ZFAND4: variants seen among roughly 807,000 people sequenced by gnomAD.
ZFAND4 encodes AN1-type zinc finger protein 4.
Under a neutral mutation model 64.4 loss-of-function variants are expected in ZFAND4, and 43 were observed. The observed-to-expected ratio is 0.67, with a 90% CI of 0.52 to 0.86. The LOEUF (loss-of-function observed/expected upper bound fraction) is 0.86. Among genes scored for constraint, ZFAND4 ranks in the 40% least tolerant of loss-of-function variants. The probability of loss-of-function intolerance (pLI) is 0.00; values close to 1 mark genes in which losing one functional copy is unlikely to be tolerated. For missense variants in ZFAND4, 929 were observed against 859.8 expected (o/e 1.08, Z -1.01); for synonymous variants, 296 against 305.7 (o/e 0.97, Z 0.33).
intron 4 of ZFAND4, chr10:45,649,732 C>G (rs1040700255): frequency 1.4e-4 from 22 of 152,184 alleles, no homozygotes; most frequent in Admixed American, 1.2e-3. Context: ...AAGTTCTTGC[C>G]TTTTGTAAGT....
chr10:45,652,726 G>A (rs2047840079), intron 3 of ZFAND4, among the ~76,000 whole-genome samples: 1 of 152,120 alleles, frequency 6.6e-6, no homozygotes, highest in Admixed American at 6.6e-5. Flanking sequence ...AAGATAATAG[G>A]AGGATTTCAA....
chr10:45,635,225 C>CAAAAAAAAAAAA (rs1486980850), intron 6 of ZFAND4, among the ~76,000 whole-genome samples: 3 of 70,636 alleles, frequency 4.2e-5, no homozygotes, highest in South Asian at 4.9e-4. Flanking sequence ...AAAAAAAAAA[C>CAAAAAAAAAAAA]AAACAAAAAA....
intron 6 of ZFAND4, among the ~76,000 whole-genome samples, chr10:45,632,801 C>T (rs1034213151): frequency 3.9e-5 from 6 of 152,060 alleles, no homozygotes; most frequent in Middle Eastern, 6.8e-3. Flanking sequence ...TAAATATAAA[C>T]GTGATTAAGT....
Position 45,626,873 on chromosome 10 carries a change from A to C in ZFAND4, c.950T>G (p.Leu317Arg), listed in dbSNP as rs1162675129. 6.2e-6 allele frequency: 10 copies of C among 1,614,228 alleles called. No individual in the cohort carries two copies. Among genetic ancestry groups the C allele is most frequent in the Non-Finnish European group, 8.5e-6 (10 of 1,180,046 alleles). Residue 317 changes from leucine (L) to arginine (R), a missense_variant, in exon 7 of 10, where the codon CTT becomes CGT. Leu to Arg is a moderately radical substitution (Grantham distance 102). Transcript: ENST00000344646. ...RYISSITGEF[L>R]KEDNSWENNT... ...ATTCTCCCAGCTATTATCTTCCTTA[A>C]GAAATTCACCAGTGATAGAAGATAT... is the stretch of plus-strand genomic sequence containing the variant.
chr10:45,656,521 A>AG (rs2048128784), intron 2 of ZFAND4, among the ~76,000 whole-genome samples: 1 of 147,202 alleles, frequency 6.8e-6, no homozygotes, highest in Non-Finnish European at 1.5e-5. Context: ...AAAAAAAAAA[A>AG]AAAAGAAAAG....
rs549196039 is a variant in ZFAND4 at position 45,634,422 on chromosome 10, G to A, written c.717+5394C>T. On this transcript the variant is annotated intron_variant, in intron 6 of 9. Transcript: ENST00000344646. The stretch of plus-strand genomic sequence containing the variant: ...CCTGTAGTCCTAGCTACTGCTACTC[G>A]GGAAGCTGAGGGAGGAGAATCGCTT... Among the ~76,000 whole-genome samples, 263 of 151,766 alleles carry A rather than the reference G, an allele frequency of 1.7e-3. 2 individuals are homozygous for A. Among genetic ancestry groups the A allele is most frequent in the Middle Eastern group, 0.017 (5 of 292 alleles).
chr10:45,649,663 TG>T (rs946828820), intron 4 of ZFAND4: 1 of 152,244 alleles, frequency 6.6e-6, no homozygotes, highest in Non-Finnish European at 1.5e-5. Flanking sequence ...GTTATTTGGA[TG>T]TTTTGATTTA....
At chr10:45,634,281 T>C (rs1308644898) in intron 6 of ZFAND4, among the ~76,000 whole-genome samples, 5 of 152,122 alleles carry the variant, frequency 3.3e-5, no homozygotes. Flanking sequence ...TCCCAGCACC[T>C]TGGGAGGCCG....
At chr10:45,658,925 T>C (rs2133831112) in intron 2 of ZFAND4, among the ~76,000 whole-genome samples, 2 of 152,318 alleles carry the variant, frequency 1.3e-5, no homozygotes, top group Middle Eastern at 6.8e-3. Context: ...CAACTTTTCT[T>C]TGTGCCATCA....
intron 5 of ZFAND4, 39 bp from the exon 6 acceptor site, chr10:45,640,002 A>G: frequency 2.5e-6 from 4 of 1,577,090 alleles, no homozygotes; most frequent in Non-Finnish European, 3.4e-6. Flanking sequence ...TTTTTCTGAT[A>G]CCTGCTCAGT....
chr10:45,668,043 G>T (rs1023026135), intron 1 of ZFAND4, among the ~76,000 whole-genome samples: 2 of 152,026 alleles, frequency 1.3e-5, no homozygotes, highest in African/African-American at 4.8e-5. Context: ...ATAATCATTT[G>T]GTTTTCTTTA....
rs137870449 is a variant in ZFAND4 at position 45,665,192 on chromosome 10, C to G, written c.-117-1350G>C. ...TATACAGGGGGGCCTTGAACTTAAA[C>G]TAGGACAAATGATACACATCTTTCT... On this transcript the variant is annotated intron_variant, in intron 1 of 9. Coordinates refer to ENST00000344646, the MANE Select transcript of ZFAND4 (RefSeq NM_174890.4). Among the ~76,000 whole-genome samples the G allele has an allele frequency of 1.3e-3, 203 of 152,242 alleles. 2 individuals are homozygous for G. The highest frequency in any genetic ancestry group is 4.7e-3 in the African/African-American group (196 of 41,536).
rs924233553 is a variant in ZFAND4 at position 45,624,734 on chromosome 10, G to C, written c.1873-97C>G. 4 of 997,692 alleles carry C rather than the reference G, an allele frequency of 4.0e-6. No individual in the cohort carries two copies. In the East Asian group the frequency reaches 1.0e-4, roughly 26 times the overall value. The allele number at this position is 997,692 out of a possible 1,614,324, so 61.8% of individuals were successfully genotyped here. A position where few individuals can be genotyped will look rare whatever the true frequency, so the allele number is the denominator to read the frequency against. On this transcript the variant is annotated intron_variant, in intron 7 of 9. Transcript: ENST00000344646. ...ACTTGTATTTTATCACTAAGATGCT[G>C]TTGGACTTTCATTTTAAATTATTTA...
chr10:45,645,614 T>C (rs1298638424), intron 5 of ZFAND4, among the ~76,000 whole-genome samples: 1 of 152,234 alleles, frequency 6.6e-6, no homozygotes, highest in African/African-American at 2.4e-5. Context: ...AATATTTATA[T>C]GTGAAACATA....
intron 1 of ZFAND4, among the ~76,000 whole-genome samples, chr10:45,670,081 A>G (rs2049079053): frequency 6.6e-6 from 1 of 152,188 alleles, no homozygotes; most frequent in Non-Finnish European, 1.5e-5. Flanking sequence ...GGAAAAGAGG[A>G]AGTCAAATTG....
At chr10:45,638,210 G>A (rs1436484519) in intron 6 of ZFAND4, among the ~76,000 whole-genome samples, 4 of 151,274 alleles carry the variant, frequency 2.6e-5, no homozygotes, top group South Asian at 2.1e-4. Context: ...TTGGCCGGGC[G>A]CGGTGGCTCA....
chr10:45,622,049 T>A (rs1033351326), intron 8 of ZFAND4, among the ~76,000 whole-genome samples: 2 of 152,122 alleles, frequency 1.3e-5, no homozygotes. Flanking sequence ...AGATCAGTTG[T>A]GCGTTAGGGC....
chr10:45,651,959 T>C lies in ZFAND4; in HGVS notation c.328+7A>G. ...GTCAAATTGCTTTAATATATATATA[T>C]GCCTACCTCTTCTAGTATTTATAGG... On this transcript the variant is annotated splice_region_variant and intron_variant, in intron 4 of 9. Transcript: ENST00000344646. The C allele has an allele frequency of 6.2e-7, 1 of 1,611,750 alleles. No homozygotes were observed. The highest frequency in any genetic ancestry group is 8.5e-7 in the Non-Finnish European group (1 of 1,178,018).
At position 45,661,548 on chromosome 10, in the gene ZFAND4, G is replaced by A. The variant is rs577788242; in HGVS notation, c.184+1994C>T. ...CCAAGCAGCCTCATCTCTGCCCTCC[G>A]TATTCCATATCCCTCTAACTTGGAG... On this transcript the variant is annotated intron_variant, in intron 2 of 9. Transcript: ENST00000344646. 1.6e-4 allele frequency among the ~76,000 whole-genome samples: 25 copies of A among 152,160 alleles called. No individual in the cohort carries two copies. The South Asian group carries it at 5.0e-3, about 30-fold the overall frequency.
Sources: gnomAD v4.1 joint callset for allele counts (sites outside exome capture counted in the v4.1 genomes callset) on GRCh38, gnomAD v4.1.1 for gene constraint, MANE v1.5 for transcripts, NCBI Gene and HGNC (gene_info 2026-07-23, HGNC 2026-07-21) for gene names.